The following SPDYA variants were observed in gnomAD, a reference collection of about 807,000 sequenced individuals.
SPDYA encodes the protein speedy protein A.
In SPDYA, 11 loss-of-function variants were observed where a neutral mutation model predicts 36.7. The ratio of observed to expected loss-of-function variants is 0.30; its 90% confidence interval spans 0.19 to 0.50. The LOEUF is 0.50. Among genes scored for constraint, SPDYA ranks in the 20% least tolerant of loss-of-function variants. The pLI, the probability that SPDYA is intolerant of heterozygous loss-of-function variation, is 0.98. For missense variants in SPDYA, 287 were observed against 370.9 expected (o/e 0.77, Z 1.86); for synonymous variants, 115 against 118.7 (o/e 0.97, Z 0.20).
At chr2:28,845,311 G>A (rs1246210100) in intron 7 of SPDYA, among the ~76,000 whole-genome samples, 1 of 148,372 alleles carries the variant, frequency 6.7e-6, no homozygotes, top group African/African-American at 2.5e-5. Flanking sequence ...ACTGGTGCTG[G>A]TCTCGGACTC....
At position 28,817,299 on chromosome 2, in the gene SPDYA, C is replaced by T. The variant is rs138617495; in HGVS notation, c.235+1050C>T. ...AATAGAGCCTGGGCGCGGTGGCTCA[C>T]GCCTGTAATCCCAGCACTTTGAGAG... On this transcript the variant is annotated intron_variant, in intron 3 of 7. Coordinates refer to ENST00000334056, the MANE Select transcript of SPDYA (RefSeq NM_182756.4). Among the ~76,000 whole-genome samples the T allele has an allele frequency of 7.1e-3, 1,077 of 152,192 alleles. 9 individuals are homozygous for T. Among genetic ancestry groups the T allele is most frequent in the African/African-American group, 0.025 (1,024 of 41,520 alleles).
intron 7 of SPDYA, chr2:28,840,723 A>G: frequency 1.7e-6 from 2 of 1,181,026 alleles, no homozygotes; most frequent in African/African-American, 1.6e-5. Flanking sequence ...CAGTATTTTA[A>G]GAGCCTGAAT....
At chr2:28,819,846 AAAAATATATATATATATAT>A (rs1668101578) in intron 4 of SPDYA, among the ~76,000 whole-genome samples, 1 of 27,074 alleles carries the variant, frequency 3.7e-5, no homozygotes, top group Non-Finnish European at 6.2e-5. Flanking sequence ...AAAAAAAAAA[AAAAATATATATATATATAT>A]ATATATATAT....
intron 4 of SPDYA, among the ~76,000 whole-genome samples, chr2:28,821,464 G>A (rs954105871): frequency 6.6e-6 from 1 of 152,140 alleles, no homozygotes; most frequent in Non-Finnish European, 1.5e-5. Context: ...ACCTCCCAAA[G>A]TGCTGGGATT....
At chr2:28,813,731 T>C (rs1311758981) in intron 1 of SPDYA, among the ~76,000 whole-genome samples, 1 of 152,046 alleles carries the variant, frequency 6.6e-6, no homozygotes, top group Non-Finnish European at 1.5e-5. Flanking sequence ...TTTGTATTTT[T>C]AGTAGAGACG....
chr2:28,843,460 G>T (rs1572516874), intron 7 of SPDYA, among the ~76,000 whole-genome samples: 1 of 150,880 alleles, frequency 6.6e-6, no homozygotes, highest in African/African-American at 2.4e-5. Flanking sequence ...TGAGGCAGGA[G>T]AATCGCTTGA....
intron 5 of SPDYA, among the ~76,000 whole-genome samples, chr2:28,826,145 T>C (rs1668311079): frequency 6.6e-6 from 1 of 151,866 alleles, no homozygotes; most frequent in African/African-American, 2.4e-5. Flanking sequence ...GTTTTTCGTT[T>C]TTGTTTTTTG....
chr2:28,829,065 C>T, intron 5 of SPDYA, 83 bp from the exon 6 acceptor site: 1 of 1,246,766 alleles, frequency 8.0e-7, no homozygotes, highest in South Asian at 1.6e-5. Context: ...TGTTTATAAA[C>T]CACTTTTATG....
chr2:28,815,063 C>T (rs543475434), intron 2 of SPDYA, among the ~76,000 whole-genome samples: 1 of 152,236 alleles, frequency 6.6e-6, no homozygotes, highest in South Asian at 2.1e-4. Context: ...GAGAGGATGG[C>T]TTAAGCTCAG....
chr2:28,826,862 C>T (rs1668337109), intron 5 of SPDYA, among the ~76,000 whole-genome samples: 1 of 151,654 alleles, frequency 6.6e-6, no homozygotes, highest in South Asian at 2.1e-4. Flanking sequence ...AGCACTCCAC[C>T]TGCCTCAGCC....
intron 7 of SPDYA, 76 bp from the exon 8 acceptor site, chr2:28,849,774 T>C: frequency 3.8e-6 from 3 of 790,530 alleles, no homozygotes; most frequent in Non-Finnish European, 6.0e-6. Flanking sequence ...TTTTAAGACA[T>C]ATACAAGCCA....
Position 28,828,503 on chromosome 2 carries a change from T to C in SPDYA, c.381-645T>C, listed in dbSNP as rs551048517. ...ACTTTTTGAACATACAGAATAGTTA[T>C]AACTGTTCCAGTGTCCTTATCTTTT... On this transcript the variant is annotated intron_variant, in intron 5 of 7. Transcript: ENST00000334056. Among the ~76,000 whole-genome samples the C allele has an allele frequency of 5.9e-5, 9 of 152,372 alleles. No homozygotes were observed. In the South Asian group the frequency reaches 1.4e-3, roughly 25 times the overall value.
chr2:28,828,429 C>T (rs1668388394), intron 5 of SPDYA, among the ~76,000 whole-genome samples: 1 of 152,078 alleles, frequency 6.6e-6, no homozygotes, highest in African/African-American at 2.4e-5. Context: ...TTTCATTGTA[C>T]ACATTGTAGT....
chr2:28,848,807 G>A (rs747950127), intron 7 of SPDYA, among the ~76,000 whole-genome samples: 13 of 152,104 alleles, frequency 8.5e-5, no homozygotes, highest in Non-Finnish European at 1.9e-4. Flanking sequence ...ACTTTGGGAG[G>A]TCAAGGCAGA....
intron 4 of SPDYA, among the ~76,000 whole-genome samples, chr2:28,819,454 T>C (rs140048873): frequency 9.9e-4 from 150 of 152,152 alleles, no homozygotes; most frequent in African/African-American, 3.4e-3. Flanking sequence ...CAGTGAGCTT[T>C]GATCAATTGT....
At chr2:28,839,101 T>A (rs1668682434) in intron 6 of SPDYA, among the ~76,000 whole-genome samples, 1 of 152,214 alleles carries the variant, frequency 6.6e-6, no homozygotes, top group Admixed American at 6.5e-5. Flanking sequence ...ATTTTACTCA[T>A]CTAGTCCTCA....
At position 28,846,818 on chromosome 2, in the gene SPDYA, G is replaced by A. The variant is rs115087081; in HGVS notation, c.851-3032G>A. On this transcript the variant is annotated intron_variant, in intron 7 of 7. Coordinates refer to ENST00000334056, the MANE Select transcript of SPDYA (RefSeq NM_182756.4). ...GAATGGATACTGTTAAAAAGGTCTT[G>A]TTCAATTCAACATCTACTGAGCACC... 7.0e-3 allele frequency among the ~76,000 whole-genome samples: 1,056 copies of A among 150,320 alleles called. 9 individuals are homozygous for A. The highest frequency in any genetic ancestry group is 0.025 in the African/African-American group (1,003 of 40,856).
In SPDYA at chr2:28,819,852, ATATATATATATAT is replaced by A. The variant is rs1668107654; in HGVS notation, c.294+747_294+759del. Among the ~76,000 whole-genome samples, 4 of 5,852 alleles carry A rather than the reference ATATATATATATAT, an allele frequency of 6.8e-4. No homozygotes were observed. The East Asian group carries it at 0.041, about 59-fold the overall frequency. 3.8% of individuals were successfully genotyped at this position (5,852 alleles called of 152,430 possible). On this transcript the variant is annotated intron_variant, in intron 4 of 7. Coordinates refer to ENST00000334056, the MANE Select transcript of SPDYA (RefSeq NM_182756.4). ...AAAAAAAAAAAAAAAAAAAAAAAAT[ATATATATATATAT>A]ATATATATATATATATATATATATA...
At chr2:28,845,249 CTTT>C (rs372229883) in intron 7 of SPDYA, among the ~76,000 whole-genome samples, 1 of 132,572 alleles carries the variant, frequency 7.5e-6, no homozygotes, top group African/African-American at 2.9e-5. Context: ...CCATGCCCAG[CTTT>C]TTTTTTTTTT....
Sources: allele counts gnomAD v4.1 joint callset (sites outside exome capture counted in the v4.1 genomes callset), GRCh38; gene constraint gnomAD v4.1.1; transcripts MANE v1.5; gene names NCBI Gene and HGNC (gene_info 2026-07-23, HGNC 2026-07-21).